UBR3: variants seen among roughly 807,000 people sequenced by gnomAD.
UBR3 encodes E3 ubiquitin-protein ligase UBR3.
In UBR3, 85 loss-of-function variants were observed where a neutral mutation model predicts 243.2. The ratio of observed to expected loss-of-function variants is 0.35; its 90% CI spans 0.29 to 0.42. The LOEUF (loss-of-function observed/expected upper bound fraction) is 0.42, where lower values mean the gene tolerates loss of function less well. UBR3 is among the 10% of genes least tolerant of loss of function. UBR3 has a pLI of 1.00. For synonymous variants in UBR3, 748 were observed against 799.8 expected (o/e 0.94, Z 1.09); for missense variants, 1,686 against 2,300.8 (o/e 0.73, Z 5.47).
intron 33 of UBR3, among the ~76,000 whole-genome samples, chr2:170,059,569 G>T (rs373350462): frequency 1.1e-3 from 170 of 152,190 alleles, no homozygotes; most frequent in African/African-American, 3.9e-3. Flanking sequence ...TTGCTGTTTT[G>T]ATATTTAGCG....
intron 1 of UBR3, among the ~76,000 whole-genome samples, chr2:169,843,763 A>G (rs1163213384): frequency 2.0e-5 from 3 of 152,238 alleles, no homozygotes; most frequent in East Asian, 3.9e-4. Flanking sequence ...TTCTTTTGCA[A>G]TATCTCTGTC....
In UBR3 at chr2:170,007,098, G is replaced by C; in HGVS notation, c.4138G>C (p.Glu1380Gln). ...VLPCYPGSNV[E>Q]NNPWQRPSNK... ...TCCATGTTATCCTGGAAGCAATGTG[G>C]AAAATAACCCTTGGCAACGTCCTAG... Residue 1380 changes from glutamate to glutamine, a missense_variant, in exon 28 of 39, where the codon GAA becomes CAA. Coordinates refer to ENST00000272793, the MANE Select transcript of UBR3 (RefSeq NM_172070.4). 4.3e-6 allele frequency: 7 copies of C among 1,613,554 alleles called. No homozygotes were observed. The highest frequency in any genetic ancestry group is 5.9e-6 in the Non-Finnish European group (7 of 1,179,950).
intron 7 of UBR3, among the ~76,000 whole-genome samples, chr2:169,895,631 C>T (rs2084554043): frequency 6.6e-6 from 1 of 152,162 alleles, no homozygotes; most frequent in South Asian, 2.1e-4. Context: ...TGTTCTAAAT[C>T]CTCTGAAGAA....
At chr2:169,953,371 A>G (rs2087126074) in intron 23 of UBR3, among the ~76,000 whole-genome samples, 1 of 152,184 alleles carries the variant, frequency 6.6e-6, no homozygotes, top group Non-Finnish European at 1.5e-5. Context: ...ATGAGGATCC[A>G]TTTCCAAGTA....
At chr2:169,865,112 A>G (rs1055295951) in intron 1 of UBR3, among the ~76,000 whole-genome samples, 15 of 151,724 alleles carry the variant, frequency 9.9e-5, no homozygotes, top group African/African-American at 3.6e-4. Context: ...TTTTTGTTCT[A>G]CTATTAATTA....
intron 24 of UBR3, among the ~76,000 whole-genome samples, chr2:169,971,151 C>T (rs1038354839): frequency 1.5e-4 from 23 of 151,950 alleles, no homozygotes; most frequent in East Asian, 1.2e-3. Flanking sequence ...TCACGTCCTT[C>T]GCCCACTTTT....
intron 27 of UBR3, among the ~76,000 whole-genome samples, chr2:170,001,911 TCAAAAAAAAAA>T (rs2089715449): frequency 1.3e-4 from 1 of 7,670 alleles, no homozygotes. Context: ...AGACTCCATC[TCAAAAAAAAAA>T]AAAAAAAAAA....
At chr2:170,061,549 C>G in intron 35 of UBR3, 106 bp downstream of exon 35, 1 of 1,368,378 alleles carries the variant, frequency 7.3e-7, no homozygotes, top group South Asian at 1.4e-5. Context: ...CTTACTGCAA[C>G]CTCCGCCTGC....
intron 30 of UBR3, among the ~76,000 whole-genome samples, chr2:170,020,357 G>A (rs1014558419): frequency 6.6e-6 from 1 of 152,138 alleles, no homozygotes. Context: ...AGGTGATTTT[G>A]TGGTATTTGG....
At chr2:169,877,693 AAAC>A (rs1299189040) in intron 4 of UBR3, 56 bp downstream of exon 4, 9 of 1,463,690 alleles carry the variant, frequency 6.1e-6, no homozygotes, top group East Asian at 5.2e-5. Flanking sequence ...AAAACCAAAA[AAAC>A]CTCTCAAACT....
At chr2:169,956,074 T>C (rs1189067603) in intron 23 of UBR3, among the ~76,000 whole-genome samples, 1 of 151,996 alleles carries the variant, frequency 6.6e-6, no homozygotes, top group African/African-American at 2.4e-5. Flanking sequence ...TACTGAAAAC[T>C]GTGAGTTCAC....
intron 1 of UBR3, among the ~76,000 whole-genome samples, chr2:169,843,403 G>C (rs992355901): frequency 6.6e-6 from 1 of 152,134 alleles, no homozygotes; most frequent in African/African-American, 2.4e-5. Flanking sequence ...TAAGCAAAAG[G>C]GGCCTGAGCT....
At chr2:170,076,714 CA>C (rs2091817910) in intron 36 of UBR3, among the ~76,000 whole-genome samples, 1 of 152,204 alleles carries the variant, frequency 6.6e-6, no homozygotes, top group African/African-American at 2.4e-5. Context: ...CAGCACACCT[CA>C]ACGGATGATT....
intron 33 of UBR3, among the ~76,000 whole-genome samples, chr2:170,060,528 T>C (rs1274171776): frequency 6.6e-6 from 1 of 152,206 alleles, no homozygotes. Context: ...ATGCATATGT[T>C]ATATGCATAT....
chr2:169,978,327 G>A (rs761451615), intron 24 of UBR3, among the ~76,000 whole-genome samples: 1 of 152,052 alleles, frequency 6.6e-6, no homozygotes, highest in Non-Finnish European at 1.5e-5. Flanking sequence ...AACCTATTAT[G>A]GCACTTGGGT....
chr2:169,936,334 C>T (rs1240639989), intron 19 of UBR3, among the ~76,000 whole-genome samples: 1 of 152,120 alleles, frequency 6.6e-6, no homozygotes. Flanking sequence ...GCTGGGATTA[C>T]AGGCGTGAAC....
chr2:169,851,188 G>C (rs893997695), intron 1 of UBR3, among the ~76,000 whole-genome samples: 2 of 152,216 alleles, frequency 1.3e-5, no homozygotes, highest in East Asian at 1.9e-4. Context: ...GCAGTGGCAC[G>C]ATCTTGGCTC....
chr2:169,964,411 A>G (rs2087716689), intron 24 of UBR3: 2 of 470,330 alleles, frequency 4.3e-6, no homozygotes, highest in Admixed American at 4.7e-5. Flanking sequence ...AACAAAAACA[A>G]TTTTCTGAGG....
chr2:170,024,095 T>A (rs1040593727), intron 30 of UBR3, among the ~76,000 whole-genome samples: 1 of 152,114 alleles, frequency 6.6e-6, no homozygotes. Flanking sequence ...ATTTCTTGCA[T>A]GTTTAGAAAT....
Sources: allele counts gnomAD v4.1 joint callset (sites outside exome capture counted in the v4.1 genomes callset), GRCh38; gene constraint gnomAD v4.1.1; transcripts MANE v1.5; gene names NCBI Gene and HGNC (gene_info 2026-07-23, HGNC 2026-07-21).